The following OPCML variants were observed in gnomAD, a reference collection of about 807,000 sequenced individuals.
The protein encoded by OPCML is opioid-binding protein/cell adhesion molecule.
In OPCML, 13 loss-of-function variants were observed where a neutral mutation model predicts 37.8. That is an observed-to-expected ratio of 0.34 (90% confidence interval 0.22 to 0.55). The LOEUF is 0.55. Among genes scored for constraint, OPCML ranks in the 20% least tolerant of loss-of-function variants. The pLI, the probability that OPCML is intolerant of heterozygous loss-of-function variation, is 0.91. For missense variants in OPCML, 341 were observed against 435.6 expected, an observed-to-expected ratio of 0.78 and a Z score of 1.93; for synonymous variants, 176 against 168.8, an observed-to-expected ratio of 1.04 and a Z score of -0.33.
chr11:133,169,351 C>T (rs1220129033), intron 1 of OPCML, among the ~76,000 whole-genome samples: 3 of 152,024 alleles, frequency 2.0e-5, no homozygotes, highest in Admixed American at 6.6e-5. Context: ...GGAAATGATC[C>T]TTTACTGAGT....
intron 1 of OPCML, among the ~76,000 whole-genome samples, chr11:133,256,898 A>T (rs922931261): frequency 4.6e-5 from 7 of 152,216 alleles, no homozygotes; most frequent in African/African-American, 1.4e-4. Flanking sequence ...CTTAACTGGT[A>T]ACTGAACCAT....
intron 4 of OPCML, among the ~76,000 whole-genome samples, chr11:132,437,889 T>G (rs2096018487): frequency 6.6e-6 from 1 of 152,220 alleles, no homozygotes; most frequent in Admixed American, 6.5e-5. Context: ...TAGTTGGTTT[T>G]GTTTCCACCT....
intron 1 of OPCML, among the ~76,000 whole-genome samples, chr11:133,440,619 T>G (rs1277927017): frequency 1.4e-5 from 2 of 147,952 alleles, no homozygotes; most frequent in Non-Finnish European, 3.0e-5. Context: ...CCCAGCTAAC[T>G]GGGAAGCTGA....
In OPCML at chr11:132,565,885, T is replaced by C. The variant is rs577145454; in HGVS notation, c.380-36699A>G. Among the ~76,000 whole-genome samples the C allele has an allele frequency of 5.1e-4, 77 of 152,148 alleles. 1 individual carries two copies. Among genetic ancestry groups the C allele is most frequent in the African/African-American group, 1.8e-3 (74 of 41,522 alleles). The stretch of plus-strand genomic sequence containing the variant: ...CTGTCTCTACTAAAAATACAAAAAT[T>C]AGCCAAGCATGGTGGCGGGCGCCTG... On this transcript the variant is annotated intron_variant, in intron 3 of 7. Transcript: ENST00000524381.
intron 1 of OPCML, among the ~76,000 whole-genome samples, chr11:132,971,244 C>T (rs1390849277): frequency 6.6e-6 from 1 of 152,144 alleles, no homozygotes; most frequent in Non-Finnish European, 1.5e-5. Flanking sequence ...TTTATAATAG[C>T]TTGCACATAG....
At chr11:132,541,654 T>C (rs2096356944) in intron 3 of OPCML, among the ~76,000 whole-genome samples, 1 of 152,164 alleles carries the variant, frequency 6.6e-6, no homozygotes. Context: ...CTACTTTACA[T>C]TTTAAGGATT....
At chr11:133,199,033 G>A (rs374197354) in intron 1 of OPCML, among the ~76,000 whole-genome samples, 1 of 152,050 alleles carries the variant, frequency 6.6e-6, no homozygotes, top group African/African-American at 2.4e-5. Context: ...GAGAAGAGAA[G>A]GATTACTTTC....
intron 1 of OPCML, among the ~76,000 whole-genome samples, chr11:133,222,334 A>C (rs1939872801): frequency 6.6e-6 from 1 of 152,206 alleles, no homozygotes; most frequent in Non-Finnish European, 1.5e-5. Context: ...GCAGGAGGTG[A>C]AAGTGGCTTC....
intron 3 of OPCML, among the ~76,000 whole-genome samples, chr11:132,593,470 A>T (rs1226135588): frequency 1.3e-5 from 2 of 152,238 alleles, no homozygotes; most frequent in Non-Finnish European, 2.9e-5. Context: ...TCAAGAATTT[A>T]ACTGCGAAAT....
intron 1 of OPCML, among the ~76,000 whole-genome samples, chr11:133,392,093 A>G (rs1160277201): frequency 1.3e-5 from 2 of 152,228 alleles, no homozygotes; most frequent in East Asian, 3.8e-4. Context: ...ATTAAGATAT[A>G]AAATTGTTAA....
rs1946093402 is a variant in OPCML, at chr11:132,961,511, G to A, written c.62-18501C>T. 2.0e-5 allele frequency among the ~76,000 whole-genome samples: 3 copies of A among 152,168 alleles called. No homozygotes were observed. The South Asian group carries it at 6.2e-4, about 32-fold the overall frequency. ...CGATGCTATTCGTAGATGTAGCAAG[G>A]AGAAGAAAAGTCAGTGCCGAGCACA... On this transcript the variant is annotated intron_variant, in intron 1 of 7. Coordinates refer to ENST00000524381, the MANE Select transcript of OPCML (RefSeq NM_001012393.5).
intron 2 of OPCML, among the ~76,000 whole-genome samples, chr11:132,684,020 G>T (rs3016395): frequency 0.56 from 84,409 of 151,802 alleles, 23,856 homozygotes; most frequent in African/African-American, 0.66. Context: ...TTTAGTATTA[G>T]CACAGACATT....
At chr11:132,794,090 A>G (rs1407190723) in intron 2 of OPCML, among the ~76,000 whole-genome samples, 2 of 151,772 alleles carry the variant, frequency 1.3e-5, no homozygotes, top group African/African-American at 4.8e-5. Flanking sequence ...AAATCCTCCT[A>G]CCTCCACCGT....
chr11:133,329,912 T>C (rs1050501916), intron 1 of OPCML, among the ~76,000 whole-genome samples: 12 of 152,078 alleles, frequency 7.9e-5, no homozygotes, highest in Non-Finnish European at 1.5e-4. Flanking sequence ...ACCTACAGAA[T>C]GGGAGAAAAT....
Position 133,238,584 on chromosome 11 carries a change from CTCCAGTG to C in OPCML, c.61+293673_61+293679del, listed in dbSNP as rs368980650. On this transcript the variant is annotated intron_variant, in intron 1 of 7. Transcript: ENST00000524381. ...GCTGACAGCGTTGGCTTGGCTTGTGCTCCAGTGTCCTACCCACCCACCTGCAAGTGCA... is the reference window on the plus strand; with the variant it reads ...GCTGACAGCGTTGGCTTGGCTTGTGCTCCTACCCACCCACCTGCAAGTGCA... Among the ~76,000 whole-genome samples, 41 of 152,270 alleles carry C rather than the reference CTCCAGTG, an allele frequency of 2.7e-4. No individual in the cohort carries two copies. In the East Asian group the frequency reaches 7.9e-3, roughly 29 times the overall value.
At position 132,763,983 on chromosome 11, in the gene OPCML, G is replaced by A. The variant is rs868583235; in HGVS notation, c.147-106664C>T. On this transcript the variant is annotated intron_variant, in intron 2 of 7. Coordinates refer to ENST00000524381, the MANE Select transcript of OPCML (RefSeq NM_001012393.5). ...CCTCAGAAGCCTTGCTTTGCCTGACGACTACCAGGGCTCCCTCTAGGCCTC... is the reference window on the plus strand; with the variant it reads ...CCTCAGAAGCCTTGCTTTGCCTGACAACTACCAGGGCTCCCTCTAGGCCTC... Among the ~76,000 whole-genome samples the A allele has an allele frequency of 3.3e-5, 5 of 152,322 alleles. No individual in the cohort carries two copies. The South Asian group carries it at 8.3e-4, about 25-fold the overall frequency.
rs1939185916 is a variant in OPCML at position 133,208,101 on chromosome 11, A to C, written c.62-265091T>G. Among the ~76,000 whole-genome samples the C allele has an allele frequency of 6.6e-6, 1 of 152,164 alleles. No homozygotes were observed. Among genetic ancestry groups the C allele is most frequent in the Non-Finnish European group, 1.5e-5 (1 of 68,028 alleles). ...CATTATTTTTTTCTCTCTTCAGAGCATCTACCATGATTTATTGTAATAGCT... is the reference window on the plus strand; with the variant it reads ...CATTATTTTTTTCTCTCTTCAGAGCCTCTACCATGATTTATTGTAATAGCT... On this transcript the variant is annotated intron_variant, in intron 1 of 7. Transcript: ENST00000524381. The surrounding 1 kb of genome is among the most constrained non-coding windows in gnomAD (Gnocchi z 8.9).
rs567396669 is a variant in OPCML, at chr11:132,432,140, AG to A, written c.916+3945del. 2.0e-4 allele frequency among the ~76,000 whole-genome samples: 30 copies of A among 152,342 alleles called. No homozygotes were observed. In the East Asian group the frequency reaches 5.4e-3, roughly 27 times the overall value. ...ATCCCAGCACAAGCACTGATAAGCCAGGGTGTTTTGAGTTATCTGCCTAACC... is the reference window on the plus strand; with the variant it reads ...ATCCCAGCACAAGCACTGATAAGCCAGGTGTTTTGAGTTATCTGCCTAACC... On this transcript the variant is annotated intron_variant, in intron 7 of 7. Transcript: ENST00000524381.
chr11:132,464,245 C>T (rs2096112528), intron 4 of OPCML, among the ~76,000 whole-genome samples: 1 of 152,106 alleles, frequency 6.6e-6, no homozygotes, highest in South Asian at 2.1e-4. Context: ...GAAGTTATCA[C>T]CAGGGAGGCT....
Sources: allele counts gnomAD v4.1 joint callset (sites outside exome capture counted in the v4.1 genomes callset), GRCh38; gene constraint gnomAD v4.1.1; non-coding constraint Gnocchi (gnomAD v3.1); transcripts MANE v1.5; gene names NCBI Gene and HGNC (gene_info 2026-07-23, HGNC 2026-07-21).